NR3C2: variants seen among roughly 807,000 people sequenced by gnomAD.
The protein encoded by NR3C2 is mineralocorticoid receptor.
Under a neutral mutation model 86.4 loss-of-function variants are expected in NR3C2, and 15 were observed. The observed-to-expected ratio is 0.17, with a 90% CI of 0.12 to 0.27. The LOEUF (loss-of-function observed/expected upper bound fraction) is 0.27. Ranked by LOEUF, NR3C2 falls within the 10% of genes least tolerant of loss-of-function variation. NR3C2 has a pLI of 1.00. For missense variants in NR3C2, 960 were observed against 1,195.6 expected, an observed-to-expected ratio of 0.80 and a Z score of 2.91; for synonymous variants, 458 against 450.5, an observed-to-expected ratio of 1.02 and a Z score of -0.21.
intron 8 of NR3C2, among the ~76,000 whole-genome samples, chr4:148,097,732 CTT>C (rs58632041): frequency 0.083 from 11,105 of 133,366 alleles, 608 homozygotes; most frequent in Middle Eastern, 0.14. Context: ...CATGATGAGA[CTT>C]TTTTGCGTTT....
intron 8 of NR3C2, among the ~76,000 whole-genome samples, chr4:148,106,369 C>A (rs370649112): frequency 6.6e-6 from 1 of 152,106 alleles, no homozygotes; most frequent in African/African-American, 2.4e-5. Context: ...AGAGAGGACA[C>A]AAACAAACGG....
chr4:148,096,459 C>A (rs1164257611), intron 8 of NR3C2, among the ~76,000 whole-genome samples: 1 of 151,954 alleles, frequency 6.6e-6, no homozygotes, highest in Non-Finnish European at 1.5e-5. Context: ...CTTCAATCTC[C>A]CCAAAAAAGG....
intron 8 of NR3C2, among the ~76,000 whole-genome samples, chr4:148,084,391 C>T (rs1178852866): frequency 6.6e-6 from 1 of 152,174 alleles, no homozygotes; most frequent in Non-Finnish European, 1.5e-5. Flanking sequence ...AATTTTCAAC[C>T]CAGAATTTCA....
intron 2 of NR3C2, among the ~76,000 whole-genome samples, chr4:148,283,273 A>C (rs1163490680): frequency 3.9e-5 from 6 of 152,216 alleles, no homozygotes; most frequent in African/African-American, 1.4e-4. Flanking sequence ...GGAAAAACAT[A>C]AGCACCATTG....
chr4:148,165,292 C>T (rs1207459131), intron 4 of NR3C2, among the ~76,000 whole-genome samples: 1 of 152,042 alleles, frequency 6.6e-6, no homozygotes, highest in East Asian at 1.9e-4. Flanking sequence ...CTTGGAAGTA[C>T]CCAAGACTTC....
Position 148,107,110 on chromosome 4 carries a change from A to G in NR3C2, c.2799+6994T>C, listed in dbSNP as rs112155597. On this transcript the variant is annotated intron_variant, in intron 8 of 8. Coordinates refer to ENST00000358102, the MANE Select transcript of NR3C2 (RefSeq NM_000901.5). ...GGGAGAAAATTTTTGCAATCTACCC[A>G]TCTGACAAAGGTCTAATATCCAGAA... Among the ~76,000 whole-genome samples, 647 of 152,326 alleles carry G rather than the reference A, an allele frequency of 4.2e-3. 5 individuals carry two copies. The highest frequency in any genetic ancestry group is 0.015 in the African/African-American group (617 of 41,576).
intron 3 of NR3C2, among the ~76,000 whole-genome samples, chr4:148,233,879 A>G (rs993442001): frequency 6.6e-6 from 1 of 152,220 alleles, no homozygotes; most frequent in Non-Finnish European, 1.5e-5. Context: ...AAATATTGCT[A>G]GAATCACTAA....
At position 148,336,502 on chromosome 4, in the gene NR3C2, G is replaced by A. The variant is rs140812645; in HGVS notation, c.1758-76385C>T. Among the ~76,000 whole-genome samples the A allele has an allele frequency of 3.7e-4, 57 of 152,218 alleles. No individual in the cohort carries two copies. In the East Asian group the frequency reaches 8.9e-3, roughly 24 times the overall value. On this transcript the variant is annotated intron_variant, in intron 2 of 8. Transcript: ENST00000358102. ...AACTTGGATAAATGGGATAAATGGC[G>A]GCTTGGACAATGGGGACTTTAGTGG...
intron 4 of NR3C2, among the ~76,000 whole-genome samples, chr4:148,164,606 C>T (rs779362616): frequency 6.6e-6 from 1 of 152,182 alleles, no homozygotes; most frequent in Admixed American, 6.5e-5. Flanking sequence ...GCTGTAGTCA[C>T]ACAGCAAATG....
chr4:148,083,324 T>G (rs1443383823), intron 8 of NR3C2, among the ~76,000 whole-genome samples: 10 of 152,088 alleles, frequency 6.6e-5, no homozygotes, highest in Non-Finnish European at 1.5e-4. Context: ...ATCTGGCGGG[T>G]GCCCCATTGG....
At chr4:148,324,173 A>G (rs897470693) in intron 2 of NR3C2, among the ~76,000 whole-genome samples, 1 of 152,200 alleles carries the variant, frequency 6.6e-6, no homozygotes, top group African/African-American at 2.4e-5. Flanking sequence ...CTGGATAAAG[A>G]GCCATACTAC....
At chr4:148,370,937 G>C (rs555125279) in intron 2 of NR3C2, among the ~76,000 whole-genome samples, 3 of 152,178 alleles carry the variant, frequency 2.0e-5, no homozygotes, top group Middle Eastern at 6.8e-3. Context: ...AGCAATCATG[G>C]CTCACTGCAG....
chr4:148,437,504 G>A (rs1750136656), intron 1 of NR3C2, among the ~76,000 whole-genome samples: 1 of 152,134 alleles, frequency 6.6e-6, no homozygotes, highest in Non-Finnish European at 1.5e-5. Context: ...TTTAATGTCA[G>A]TTCTGAAAAG....
intron 2 of NR3C2, among the ~76,000 whole-genome samples, chr4:148,330,294 C>T (rs958645954): frequency 6.6e-6 from 1 of 152,158 alleles, no homozygotes; most frequent in Non-Finnish European, 1.5e-5. Flanking sequence ...TGAGGTTTCA[C>T]AATTGACGAC....
chr4:148,374,520 A>G (rs115592557), intron 2 of NR3C2, among the ~76,000 whole-genome samples: 197 of 152,314 alleles, frequency 1.3e-3, no homozygotes, highest in African/African-American at 4.5e-3. Flanking sequence ...TATCCAGTAT[A>G]CAGGTGAAAC....
chr4:148,236,891 G>A, intron 3 of NR3C2, among the ~76,000 whole-genome samples: 1 of 151,928 alleles, frequency 6.6e-6, no homozygotes, highest in East Asian at 1.9e-4. Flanking sequence ...TGGGATTGAA[G>A]TACATTCCCA....
intron 2 of NR3C2, among the ~76,000 whole-genome samples, chr4:148,271,392 G>A (rs1237989554): frequency 6.6e-6 from 1 of 152,082 alleles, no homozygotes; most frequent in Non-Finnish European, 1.5e-5. Flanking sequence ...CTCAGGGTTT[G>A]AAGTTTGGGG....
chr4:148,369,627 T>C (rs1158166390), intron 2 of NR3C2, among the ~76,000 whole-genome samples: 1 of 152,212 alleles, frequency 6.6e-6, no homozygotes, highest in Non-Finnish European at 1.5e-5. Flanking sequence ...AAATTCTTCA[T>C]GGTTTCTCTT....
intron 2 of NR3C2, among the ~76,000 whole-genome samples, chr4:148,280,620 T>C (rs1385876676): frequency 3.9e-5 from 6 of 152,144 alleles, no homozygotes; most frequent in African/African-American, 1.4e-4. Flanking sequence ...CATCTCAGCC[T>C]CCCAAGTAGC....
Sources: allele counts gnomAD v4.1 joint callset (sites outside exome capture counted in the v4.1 genomes callset), GRCh38; gene constraint gnomAD v4.1.1; transcripts MANE v1.5; gene names NCBI Gene and HGNC (gene_info 2026-07-23, HGNC 2026-07-21).